Variants in KIRREL3 observed in about 807,000 individuals in gnomAD.
KIRREL3 encodes the protein kin of IRRE-like protein 3.
KIRREL3 carries 36 observed loss-of-function variants against 89.7 expected under a neutral mutation model. The observed-to-expected ratio is 0.40, with a 90% confidence interval of 0.31 to 0.53. KIRREL3 has a LOEUF of 0.53. KIRREL3 is among the 20% of genes least tolerant of loss of function. The pLI, the probability that KIRREL3 is intolerant of heterozygous loss-of-function variation, is 0.49. For synonymous variants in KIRREL3, 445 were observed against 441.4 expected, an observed-to-expected ratio of 1.01 and a Z score of -0.10; for missense variants, 864 against 1,056.6, an observed-to-expected ratio of 0.82 and a Z score of 2.53.
At chr11:126,600,758 T>A (rs994759497) in intron 1 of KIRREL3, among the ~76,000 whole-genome samples, 12 of 152,222 alleles carry the variant, frequency 7.9e-5, no homozygotes, top group African/African-American at 2.9e-4. Flanking sequence ...GAATCCAAAG[T>A]ATTCAAGGAA....
chr11:126,900,998 G>A lies in KIRREL3; in HGVS notation c.55+99457C>T, dbSNP rs1251606697. Among the ~76,000 whole-genome samples, 3 of 152,042 alleles carry A rather than the reference G, an allele frequency of 2.0e-5. No homozygotes were observed. The highest frequency in any genetic ancestry group is 2.9e-5 in the Non-Finnish European group (2 of 68,006). On this transcript the variant is annotated intron_variant, in intron 1 of 16. Transcript: ENST00000525144. The surrounding 1 kb of genome is among the most constrained non-coding windows in gnomAD (Gnocchi z 4.4). ...CAAAGACCAACAGTAAGTGGATCAC[G>A]AGGTCAGGAGTTCGAGACCAGCCTG...
rs944467131 is a variant in KIRREL3, at chr11:126,872,799, T to C, written c.55+127656A>G. ...GATACTGATCAGCTCTCCATTTCCA[T>C]AGTGTGTTGAATAATACCCCATGAC... On this transcript the variant is annotated intron_variant, in intron 1 of 16. Transcript: ENST00000525144. This position sits in a 1 kb window ranked among gnomAD's most constrained non-coding sequence, Gnocchi z 4.2. Among the ~76,000 whole-genome samples the C allele has an allele frequency of 6.6e-6, 1 of 152,112 alleles. No homozygotes were observed. Among genetic ancestry groups the C allele is most frequent in the African/African-American group, 2.4e-5 (1 of 41,428 alleles).
At position 126,652,805 on chromosome 11, in the gene KIRREL3, T is replaced by G. The variant is rs1281633475; in HGVS notation, c.56-89893A>C. On this transcript the variant is annotated intron_variant, in intron 1 of 16. Transcript: ENST00000525144. The surrounding 1 kb of genome is among the most constrained non-coding windows in gnomAD (Gnocchi z 4.9). ...GGCAATTCACCAGGACAGAGGCCTT[T>G]CAACTTTCCTCCCTGAGATCTTCCT... 6.6e-6 allele frequency: 1 copy of G among 152,162 alleles called. No individual in the cohort carries two copies. The highest frequency in any genetic ancestry group is 1.5e-5 in the Non-Finnish European group (1 of 68,030). 9.4% of individuals were successfully genotyped at this position (152,162 alleles called of 1,614,324 possible). A position where few individuals can be genotyped will look rare whatever the true frequency, so the allele number is the denominator to read the frequency against.
At chr11:126,448,194 A>G (rs1396160997) in intron 8 of KIRREL3, among the ~76,000 whole-genome samples, 1 of 150,886 alleles carries the variant, frequency 6.6e-6, no homozygotes, top group Non-Finnish European at 1.5e-5. Flanking sequence ...GAGGCAGGAG[A>G]ATCTCTTGAA....
At chr11:126,801,733 G>C (rs535024896) in intron 1 of KIRREL3, among the ~76,000 whole-genome samples, 13 of 152,314 alleles carry the variant, frequency 8.5e-5, no homozygotes, top group Admixed American at 3.3e-4. Flanking sequence ...CCAGTGGACA[G>C]CATAGCTCCT....
chr11:126,575,292 A>G lies in KIRREL3; in HGVS notation c.56-12380T>C, dbSNP rs1473785529. On this transcript the variant is annotated intron_variant, in intron 1 of 16. Transcript: ENST00000525144. This position sits in a 1 kb window ranked among gnomAD's most constrained non-coding sequence, Gnocchi z 7.0. ...GAAGCCAGCCTAGGAAGGTTGGACC[A>G]TTGATCCCACAGCCCTGGGGCCTTC... 6.6e-6 allele frequency among the ~76,000 whole-genome samples: 1 copy of G among 152,198 alleles called. No individual in the cohort carries two copies. The highest frequency in any genetic ancestry group is 1.5e-5 in the Non-Finnish European group (1 of 68,040).
chr11:126,924,574 C>T lies in KIRREL3; in HGVS notation c.55+75881G>A, dbSNP rs767488634. 2.6e-5 allele frequency among the ~76,000 whole-genome samples: 4 copies of T among 152,222 alleles called. No homozygotes were observed. Among genetic ancestry groups the T allele is most frequent in the Non-Finnish European group, 5.9e-5 (4 of 68,036 alleles). Reference sequence around the variant, plus strand: ...CCCACAGACTGCGCTTCAGCTGCTGCTGACTCCCTCCCAGAAGGCCCCAGA... The same window carrying T: ...CCCACAGACTGCGCTTCAGCTGCTGTTGACTCCCTCCCAGAAGGCCCCAGA... On this transcript the variant is annotated intron_variant, in intron 1 of 16. Transcript: ENST00000525144. This position sits in a 1 kb window ranked among gnomAD's most constrained non-coding sequence, Gnocchi z 4.7.
chr11:126,671,281 CACTCTTGA>C (rs1193780368), intron 1 of KIRREL3, among the ~76,000 whole-genome samples: 1 of 150,368 alleles, frequency 6.7e-6, no homozygotes, highest in Non-Finnish European at 1.5e-5. Context: ...CTGCCCACAC[CACTCTTGA>C]ACTCCTGAGC....
intron 4 of KIRREL3, among the ~76,000 whole-genome samples, chr11:126,478,646 T>C (rs1277114322): frequency 7.8e-6 from 1 of 127,500 alleles, no homozygotes; most frequent in Non-Finnish European, 1.5e-5. Flanking sequence ...TGTATGTGTG[T>C]ATGTATGTGT....
chr11:126,631,643 C>T (rs551575004), intron 1 of KIRREL3, among the ~76,000 whole-genome samples: 1 of 152,234 alleles, frequency 6.6e-6, no homozygotes, highest in Non-Finnish European at 1.5e-5. Flanking sequence ...AGCAGGAGTA[C>T]ATGTCATGCT....
rs1158555850 is a variant in KIRREL3, at chr11:126,486,277, GA to G, written c.434-12812del. On this transcript the variant is annotated intron_variant, in intron 4 of 16. Transcript: ENST00000525144. The surrounding 1 kb of genome is among the most constrained non-coding windows in gnomAD (Gnocchi z 6.2). ...AGAGGGCTTGGGAGAGGCCAGCAGAGAAGGGACAGTGGGGTGGGGGAGTGCA... is the reference window on the plus strand; with the variant it reads ...AGAGGGCTTGGGAGAGGCCAGCAGAGAGGGACAGTGGGGTGGGGGAGTGCA... Among the ~76,000 whole-genome samples, 1 of 152,174 alleles carries G rather than the reference GA, an allele frequency of 6.6e-6. No individual in the cohort carries two copies. The highest frequency in any genetic ancestry group is 1.5e-5 in the Non-Finnish European group (1 of 68,032).
intron 9 of KIRREL3, 106 bp downstream of exon 9, chr11:126,446,653 G>C (rs1955826727): frequency 8.0e-7 from 1 of 1,244,842 alleles, no homozygotes; most frequent in Admixed American, 2.5e-5. Context: ...ACTGGAGGCT[G>C]ACTCCCCCAG....
chr11:126,637,953 G>A (rs1565611090), intron 1 of KIRREL3, among the ~76,000 whole-genome samples: 1 of 152,252 alleles, frequency 6.6e-6, no homozygotes, highest in East Asian at 1.9e-4. Flanking sequence ...TCAGTGAGCA[G>A]CAGGGGCAGC....
chr11:126,618,006 T>C (rs1038766495), intron 1 of KIRREL3, among the ~76,000 whole-genome samples: 20 of 152,198 alleles, frequency 1.3e-4, no homozygotes, highest in Non-Finnish European at 2.9e-4. Context: ...GGTGATTGGA[T>C]AATGTGGTTG....
rs1281641145 is a variant in KIRREL3, at chr11:126,429,964, G to A, written c.1697-676C>T. 1.3e-5 allele frequency among the ~76,000 whole-genome samples: 2 copies of A among 151,812 alleles called. No homozygotes were observed. The highest frequency in any genetic ancestry group is 6.6e-5 in the Admixed American group (1 of 15,234). ...AGCCTGGCCAACATGGTGAAACCCC[G>A]TCTCTATTAAAAATCCAAAAATTAG... is the stretch of plus-strand genomic sequence containing the variant. On this transcript the variant is annotated intron_variant, in intron 14 of 16. Coordinates refer to ENST00000525144, the MANE Select transcript of KIRREL3 (RefSeq NM_032531.4). The surrounding 1 kb of genome is among the most constrained non-coding windows in gnomAD (Gnocchi z 5.2).
chr11:126,666,106 C>T lies in KIRREL3; in HGVS notation c.56-103194G>A, dbSNP rs1310231110. On this transcript the variant is annotated intron_variant, in intron 1 of 16. Coordinates refer to ENST00000525144, the MANE Select transcript of KIRREL3 (RefSeq NM_032531.4). The surrounding 1 kb of genome is among the most constrained non-coding windows in gnomAD (Gnocchi z 4.2). Reference sequence around the variant, plus strand: ...GCATCCATGGTTCAGAACCACTTGCCTACTGCATTGTCTGTATCATAGAAG... The same window carrying T: ...GCATCCATGGTTCAGAACCACTTGCTTACTGCATTGTCTGTATCATAGAAG... Among the ~76,000 whole-genome samples the T allele has an allele frequency of 6.6e-6, 1 of 152,198 alleles. No homozygotes were observed. The highest frequency in any genetic ancestry group is 2.4e-5 in the African/African-American group (1 of 41,454).
chr11:126,618,635 A>C (rs1943454716), intron 1 of KIRREL3, among the ~76,000 whole-genome samples: 1 of 152,164 alleles, frequency 6.6e-6, no homozygotes, highest in Non-Finnish European at 1.5e-5. Flanking sequence ...AGGTTGCGCC[A>C]TGTTGGCCAG....
At position 126,550,262 on chromosome 11, in the gene KIRREL3, C is replaced by T. The variant is rs1307609648; in HGVS notation, c.133+12573G>A. 6.6e-6 allele frequency: 1 copy of T among 152,184 alleles called. No individual in the cohort carries two copies. The highest frequency in any genetic ancestry group is 1.5e-5 in the Non-Finnish European group (1 of 68,048). 9.4% of individuals were successfully genotyped at this position (152,184 alleles called of 1,614,324 possible). ...GATATGGAACCAGATGACCTTTGGTCCCTTCTGGCCTGGAGAATCTGTAAT... is the reference window on the plus strand; with the variant it reads ...GATATGGAACCAGATGACCTTTGGTTCCTTCTGGCCTGGAGAATCTGTAAT... On this transcript the variant is annotated intron_variant, in intron 2 of 16. Coordinates refer to ENST00000525144, the MANE Select transcript of KIRREL3 (RefSeq NM_032531.4). The surrounding 1 kb of genome is among the most constrained non-coding windows in gnomAD (Gnocchi z 4.9).
rs745433731 is a variant in KIRREL3 at position 126,709,597 on chromosome 11, T to A, written c.56-146685A>T. 3.9e-5 allele frequency among the ~76,000 whole-genome samples: 6 copies of A among 152,178 alleles called. No homozygotes were observed. Among genetic ancestry groups the A allele is most frequent in the Non-Finnish European group, 5.9e-5 (4 of 68,040 alleles). On this transcript the variant is annotated intron_variant, in intron 1 of 16. Coordinates refer to ENST00000525144, the MANE Select transcript of KIRREL3 (RefSeq NM_032531.4). The surrounding 1 kb of genome is among the most constrained non-coding windows in gnomAD (Gnocchi z 4.0). ...CATTAGGGTGCGTCCTAATCCTGCA[T>A]GACTGGTGTCCTTATAAAAAGAGAA...
Sources: allele counts gnomAD v4.1 joint callset (sites outside exome capture counted in the v4.1 genomes callset), GRCh38; gene constraint gnomAD v4.1.1; non-coding constraint Gnocchi (gnomAD v3.1); transcripts MANE v1.5; gene names NCBI Gene and HGNC (gene_info 2026-07-23, HGNC 2026-07-21).